Variants in KIAA0513 observed in about 807,000 individuals in gnomAD.
KIAA0513 encodes the protein KIAA0513, also known as uncharacterized protein KIAA0513.
Under a neutral mutation model 56.5 loss-of-function variants are expected in KIAA0513, and 39 were observed. The ratio of observed to expected loss-of-function variants is 0.69; its 90% CI spans 0.53 to 0.90. The LOEUF is 0.90. Among genes scored for constraint, KIAA0513 ranks in the 40% least tolerant of loss-of-function variants. KIAA0513 has a pLI of 0.00. For synonymous variants in KIAA0513, 268 were observed against 215.6 expected (o/e 1.24, Z -2.13); for missense variants, 591 against 535.2 (o/e 1.10, Z -1.03).
At chr16:85,052,176 C>T (rs981115972) in intron 1 of KIAA0513, among the ~76,000 whole-genome samples, 13 of 151,996 alleles carry the variant, frequency 8.6e-5, no homozygotes, top group African/African-American at 2.9e-4. Context: ...AAAAATTAGC[C>T]GGGCATGGTG....
Position 85,044,347 on chromosome 16 carries a change from A to G in KIAA0513, c.-173+16489A>G, listed in dbSNP as rs187288985. 3.5e-3 allele frequency among the ~76,000 whole-genome samples: 527 copies of G among 152,218 alleles called. 2 individuals are homozygous for G. Among genetic ancestry groups the G allele is most frequent in the African/African-American group, 0.012 (502 of 41,542 alleles). On this transcript the variant is annotated intron_variant, in intron 1 of 12. Transcript: ENST00000683363. ...TGTGTCATCTAGGGCAGGTCACAGC[A>G]TTCAGCGAGGTGACTCAGAAATCAG...
chr16:85,086,724 G>T lies in KIAA0513; in HGVS notation c.1091G>T (p.Gly364Val). Residue 364 changes from glycine to valine, a missense_variant and splice_region_variant, in exon 11 of 13, where the codon GGC becomes GTC. Transcript: ENST00000683363. ...FNENITFGQL[G>V]TFTHNMLAFG... Reference sequence around the variant, plus strand: ...GAGAACATCACCTTCGGGCAGCTGGGGTAAGGGCCAGAGTGGGAAAGCGGG... The same window carrying T: ...GAGAACATCACCTTCGGGCAGCTGGTGTAAGGGCCAGAGTGGGAAAGCGGG... 1 of 1,612,358 alleles carries T rather than the reference G, an allele frequency of 6.2e-7. No homozygotes were observed.
chr16:85,066,363 G>A (rs1446221264), intron 1 of KIAA0513, among the ~76,000 whole-genome samples: 2 of 152,200 alleles, frequency 1.3e-5, no homozygotes, highest in Admixed American at 1.3e-4. Flanking sequence ...GATGGCAAAT[G>A]TTGTGCTTAG....
chr16:85,084,961 C>T (rs1226652559), intron 10 of KIAA0513, among the ~76,000 whole-genome samples: 1 of 152,180 alleles, frequency 6.6e-6, no homozygotes, highest in Non-Finnish European at 1.5e-5. Context: ...GTTAAATGTC[C>T]CAGCTTTCGT....
chr16:85,074,327 C>T (rs1468153394), intron 4 of KIAA0513, among the ~76,000 whole-genome samples: 4 of 144,002 alleles, frequency 2.8e-5, no homozygotes, highest in Non-Finnish European at 4.5e-5. Flanking sequence ...CACACACACA[C>T]GTATATATAC....
intron 1 of KIAA0513, among the ~76,000 whole-genome samples, chr16:85,032,395 T>C (rs529137182): frequency 1.4e-3 from 215 of 152,354 alleles, no homozygotes; most frequent in South Asian, 0.011. Flanking sequence ...GTGCAGGGCA[T>C]GATCTCAGCT....
Position 85,088,292 on chromosome 16 carries a change from T to A in KIAA0513, c.1203T>A (p.Leu401=). Reference sequence around the variant, plus strand: ...CTCTTCCAGAGCAATACAAGCTGCTTAGTGACCACATTGAGCAAATGGCCA... The same window carrying A: ...CTCTTCCAGAGCAATACAAGCTGCTAAGTGACCACATTGAGCAAATGGCCA... ...GNLDEEQYKL[L]SDHIEQMATE Residue 401 remains leucine, a synonymous_variant, in exon 13 of 13, where the codon CTT becomes CTA. Transcript: ENST00000683363. The A allele has an allele frequency of 6.2e-7, 1 of 1,612,592 alleles. No homozygotes were observed. Among genetic ancestry groups the A allele is most frequent in the Non-Finnish European group, 8.5e-7 (1 of 1,179,916 alleles).
At chr16:85,036,158 G>C (rs1484179195) in intron 1 of KIAA0513, among the ~76,000 whole-genome samples, 2 of 151,994 alleles carry the variant, frequency 1.3e-5, no homozygotes, top group African/African-American at 2.4e-5. Flanking sequence ...TTCTTTGTTT[G>C]TTTCTTTAAC....
At chr16:85,082,495 T>C (rs2073757571) in intron 9 of KIAA0513, 69 bp from the exon 10 acceptor site, 1 of 1,511,262 alleles carries the variant, frequency 6.6e-7, no homozygotes, top group Admixed American at 1.7e-5. Context: ...TTGTTCTCTT[T>C]TTACCATCCA....
At chr16:85,027,917 GA>G (rs1258212619) in intron 1 of KIAA0513, 59 bp downstream of exon 1, 1 of 152,218 alleles carries the variant, frequency 6.6e-6, no homozygotes, top group Non-Finnish European at 1.5e-5. Context: ...GATGACCCGG[GA>G]GGGACGGCGG....
At position 85,073,059 on chromosome 16, in the gene KIAA0513, C is replaced by T. The variant is rs1451176992; in HGVS notation, c.503+61C>T. The stretch of plus-strand genomic sequence containing the variant: ...CAAGCTCCTCTTCCCTCCCTGCCTC[C>T]CTCCCCACCCAGCCGTGTCATAACC... On this transcript the variant is annotated intron_variant, in intron 4 of 12. Transcript: ENST00000683363. 1.5e-5 allele frequency: 20 copies of T among 1,363,250 alleles called. No homozygotes were observed. In the East Asian group the frequency reaches 3.2e-4, roughly 22 times the overall value. 84.4% of individuals were successfully genotyped at this position (1,363,250 alleles called of 1,614,324 possible). A position where few individuals can be genotyped will look rare whatever the true frequency, so the allele number is the denominator to read the frequency against.
At chr16:85,037,939 C>T (rs900489706) in intron 1 of KIAA0513, among the ~76,000 whole-genome samples, 13 of 152,290 alleles carry the variant, frequency 8.5e-5, no homozygotes, top group African/African-American at 2.9e-4. Flanking sequence ...TCTGTTCTTG[C>T]TAGCATGCCA....
chr16:85,028,347 G>A (rs2072917466), intron 1 of KIAA0513, among the ~76,000 whole-genome samples: 1 of 152,172 alleles, frequency 6.6e-6, no homozygotes, highest in Non-Finnish European at 1.5e-5. Context: ...TGTGTGCGGG[G>A]TGTGAAGTTG....
At chr16:85,066,016 G>A (rs977432409) in intron 1 of KIAA0513, among the ~76,000 whole-genome samples, 6 of 152,230 alleles carry the variant, frequency 3.9e-5, no homozygotes, top group African/African-American at 7.2e-5. Flanking sequence ...GCATGGCTAC[G>A]GTGGTGCCAG....
rs758452312 is a variant in KIAA0513, at chr16:85,073,046, C to A, written c.503+48C>A. ...GCCTTTGTCCTGGCAAGCTCCTCTT[C>A]CCTCCCTGCCTCCCTCCCCACCCAG... is the stretch of plus-strand genomic sequence containing the variant. On this transcript the variant is annotated intron_variant, in intron 4 of 12. Coordinates refer to ENST00000683363, the MANE Select transcript of KIAA0513 (RefSeq NM_001388359.1). The A allele has an allele frequency of 2.0e-6, 3 of 1,469,908 alleles. No homozygotes were observed. The African/African-American group carries it at 4.2e-5, about 20-fold the overall frequency. The allele number at this position is 1,469,908 out of a possible 1,614,324, so 91.1% of individuals were successfully genotyped here. A position where few individuals can be genotyped will look rare whatever the true frequency, so the allele number is the denominator to read the frequency against.
Position 85,088,406 on chromosome 16 carries a change from G to C in KIAA0513, c.*81G>C, listed in dbSNP as rs1018530410. ...CCAGCGCCCGGCCGTCACCCCACCC[G>C]ATGACCTGCATGAAGCCAGCAGCAC... On this transcript the variant is annotated 3_prime_UTR_variant, in exon 13 of 13. Coordinates refer to ENST00000683363, the MANE Select transcript of KIAA0513 (RefSeq NM_001388359.1). 4.8e-6 allele frequency: 6 copies of C among 1,260,184 alleles called. No individual in the cohort carries two copies. The East Asian group carries it at 9.3e-5, about 20-fold the overall frequency. The allele number at this position is 1,260,184 out of a possible 1,614,324, so 78.1% of individuals were successfully genotyped here.
At chr16:85,064,831 A>C (rs8059006) in intron 1 of KIAA0513, among the ~76,000 whole-genome samples, 73,568 of 151,802 alleles carry the variant, frequency 0.48, 19,025 homozygotes, top group African/African-American at 0.68. Flanking sequence ...ATTACAGGCA[A>C]GCCCCACCAT....
At chr16:85,047,684 A>G (rs1409157598) in intron 1 of KIAA0513, among the ~76,000 whole-genome samples, 1 of 152,112 alleles carries the variant, frequency 6.6e-6, no homozygotes, top group East Asian at 1.9e-4. Context: ...GAGAAAGGAA[A>G]AAACCCAGGG....
At position 85,086,683 on chromosome 16, in the gene KIAA0513, C is replaced by T. The variant is rs1002068004; in HGVS notation, c.1050C>T (p.Asp350=). ...WCHMTQEERD[D]SLRFNENITF... ...ACATGACCCAGGAGGAGCGCGACGA[C>T]AGCCTCCGGTTCAACGAGAACATCA... Residue 350 remains aspartate, a synonymous_variant, in exon 11 of 13, where the codon GAC becomes GAT. Coordinates refer to ENST00000683363, the MANE Select transcript of KIAA0513 (RefSeq NM_001388359.1). 1.9e-6 allele frequency: 3 copies of T among 1,613,828 alleles called. No homozygotes were observed. The highest frequency in any genetic ancestry group is 2.5e-6 in the Non-Finnish European group (3 of 1,180,034).
Sources: allele counts gnomAD v4.1 joint callset (sites outside exome capture counted in the v4.1 genomes callset), GRCh38; gene constraint gnomAD v4.1.1; transcripts MANE v1.5; gene names NCBI Gene and HGNC (gene_info 2026-07-23, HGNC 2026-07-21).